Variants in SORL1 observed in about 807,000 individuals in gnomAD.
SORL1 encodes the protein sortilin related receptor 1, also known as sortilin-related receptor.
A neutral mutation model predicts 273.7 loss-of-function variants in SORL1; 127 were observed. The ratio of observed to expected loss-of-function variants is 0.46; its 90% CI spans 0.40 to 0.54. SORL1 has a LOEUF of 0.54. Among genes scored for constraint, SORL1 ranks in the 20% least tolerant of loss-of-function variants. The pLI, the probability that SORL1 is intolerant of heterozygous loss-of-function variation, is 0.00. For missense variants in SORL1, 2,494 were observed against 2,846.1 expected (o/e 0.88, Z 2.81); for synonymous variants, 1,031 against 1,067.4 (o/e 0.97, Z 0.66).
intron 2 of SORL1, among the ~76,000 whole-genome samples, chr11:121,477,721 G>A (rs1861296912): frequency 6.6e-6 from 1 of 152,112 alleles, no homozygotes; most frequent in South Asian, 2.1e-4. Context: ...CAGGATCCAG[G>A]ATGGGATGTT....
At position 121,616,637 on chromosome 11, in the gene SORL1, G is replaced by A. The variant is rs12576563; in HGVS notation, c.5604+1582G>A. Among the ~76,000 whole-genome samples, 290 of 152,332 alleles carry A rather than the reference G, an allele frequency of 1.9e-3. 6 individuals carry two copies. The East Asian group carries it at 0.049, about 26-fold the overall frequency. On this transcript the variant is annotated intron_variant, in intron 41 of 47. Transcript: ENST00000260197. ...TTGGGACCCCTTTGAGTCCCTCAGC[G>A]CTTCTCTTTCCTACATCCTCCCAGG...
intron 12 of SORL1, among the ~76,000 whole-genome samples, chr11:121,538,781 C>T (rs569937339): frequency 2.6e-5 from 4 of 152,086 alleles, no homozygotes; most frequent in Non-Finnish European, 4.4e-5. Context: ...CAGGTTCAAG[C>T]GATTCTCCTG....
In SORL1 at chr11:121,563,561, A is replaced by G. The variant is rs553244071; in HGVS notation, c.3050-3379A>G. 6.6e-6 allele frequency among the ~76,000 whole-genome samples: 1 copy of G among 151,988 alleles called. No homozygotes were observed. The highest frequency in any genetic ancestry group is 2.1e-4 in the South Asian group (1 of 4,828). On this transcript the variant is annotated intron_variant, in intron 21 of 47. Coordinates refer to ENST00000260197, the MANE Select transcript of SORL1 (RefSeq NM_003105.6). This position sits in a 1 kb window ranked among gnomAD's most constrained non-coding sequence, Gnocchi z 4.2. Reference sequence around the variant, plus strand: ...AAGGCATGTGCCACCATGCCTGGCTAATTTTTTGTATTTTAGTAGAGATTG... The same window carrying G: ...AAGGCATGTGCCACCATGCCTGGCTGATTTTTTGTATTTTAGTAGAGATTG...
chr11:121,604,118 G>A (rs2134921055), intron 32 of SORL1, 75 bp from the exon 33 acceptor site: 7 of 1,563,964 alleles, frequency 4.5e-6, no homozygotes, highest in Non-Finnish European at 6.1e-6. Context: ...TGCCTAAATG[G>A]GAATAAACTT....
At chr11:121,479,153 G>T (rs911397693) in intron 3 of SORL1, among the ~76,000 whole-genome samples, 1 of 152,184 alleles carries the variant, frequency 6.6e-6, no homozygotes, top group Non-Finnish European at 1.5e-5. Context: ...GGCCCTGGGG[G>T]CTTTGTTTCT....
At chr11:121,456,918 A>G (rs963801535) in intron 1 of SORL1, among the ~76,000 whole-genome samples, 1 of 152,176 alleles carries the variant, frequency 6.6e-6, no homozygotes, top group African/African-American at 2.4e-5. Flanking sequence ...CTTCCATGAT[A>G]CACTTGCTTG....
chr11:121,460,268 A>G (rs1860975863), intron 1 of SORL1, among the ~76,000 whole-genome samples: 1 of 152,166 alleles, frequency 6.6e-6, no homozygotes, highest in South Asian at 2.1e-4. Context: ...TGAATCTTAC[A>G]TGAAATAAAT....
At chr11:121,499,349 A>G (rs1240641503) in intron 6 of SORL1, among the ~76,000 whole-genome samples, 1 of 152,186 alleles carries the variant, frequency 6.6e-6, no homozygotes, top group Non-Finnish European at 1.5e-5. Context: ...GAGTTAGGCC[A>G]CCACTGAGAG....
chr11:121,583,430 G>T (rs541395854), intron 25 of SORL1, 28 bp from the exon 26 acceptor site: 2 of 1,600,878 alleles, frequency 1.2e-6, no homozygotes, highest in African/African-American at 1.3e-5. Context: ...TGAGGGGTGT[G>T]CGACTGTGTC....
chr11:121,474,889 A>G (rs901564609), intron 2 of SORL1, among the ~76,000 whole-genome samples: 1 of 152,246 alleles, frequency 6.6e-6, no homozygotes, highest in African/African-American at 2.4e-5. Flanking sequence ...GTGGGGGAAG[A>G]TAGATAACTG....
chr11:121,551,426 T>C (rs1862505608), intron 16 of SORL1, among the ~76,000 whole-genome samples: 1 of 152,272 alleles, frequency 6.6e-6, no homozygotes, highest in Non-Finnish European at 1.5e-5. Flanking sequence ...ACGTTTCTGC[T>C]AGATTTAGTG....
At chr11:121,551,851 C>A (rs1425368423) in intron 16 of SORL1, among the ~76,000 whole-genome samples, 1 of 152,216 alleles carries the variant, frequency 6.6e-6, no homozygotes, top group African/African-American at 2.4e-5. Context: ...ACCACCACTT[C>A]AGCAAATTCC....
intron 2 of SORL1, among the ~76,000 whole-genome samples, chr11:121,475,524 C>T (rs187615601): frequency 2.4e-4 from 37 of 152,268 alleles, no homozygotes; most frequent in Middle Eastern, 3.4e-3. Flanking sequence ...ACGATGGCAG[C>T]GGCATGGCTG....
At position 121,452,369 on chromosome 11, in the gene SORL1, C is replaced by T. The variant is rs1032527926; in HGVS notation, c.38C>T (p.Pro13Leu). ...AGCAGCAGGAGGGAGTCGCGACTCC[C>T]GTTCCTATTCACCCTGGTCGCACTG... is the stretch of plus-strand genomic sequence containing the variant. Reference protein sequence around the residue: ...TRSSRRESRLPFLFTLVALLP... With the variant: ...TRSSRRESRLLFLFTLVALLP... The change falls in exon 1 of 48, where the codon CCG becomes CTG. Residue 13 changes from proline to leucine, a missense_variant. This residue lies in a region of SORL1 where 175 missense variants were observed against 147.1 expected (regional missense o/e 1.19). Coordinates refer to ENST00000260197, the MANE Select transcript of SORL1 (RefSeq NM_003105.6). This position sits in a 1 kb window ranked among gnomAD's most constrained non-coding sequence, Gnocchi z 5.3. 2 of 1,554,112 alleles carry T rather than the reference C, an allele frequency of 1.3e-6. No homozygotes were observed. The highest frequency in any genetic ancestry group is 1.7e-6 in the Non-Finnish European group (2 of 1,154,710).
At chr11:121,618,208 A>G (rs866757552) in intron 41 of SORL1, among the ~76,000 whole-genome samples, 2 of 152,296 alleles carry the variant, frequency 1.3e-5, no homozygotes, top group Middle Eastern at 3.4e-3. Flanking sequence ...GACTTTTTCC[A>G]GGCAGCAATT....
intron 24 of SORL1, among the ~76,000 whole-genome samples, chr11:121,575,065 A>C (rs1862907279): frequency 6.6e-6 from 1 of 152,218 alleles, no homozygotes; most frequent in African/African-American, 2.4e-5. Flanking sequence ...TATTTAGAAA[A>C]ACAGTGGGTT....
chr11:121,452,746 T>G lies in SORL1; in HGVS notation c.285+130T>G. 1.2e-6 allele frequency: 1 copy of G among 803,296 alleles called. No homozygotes were observed. Among genetic ancestry groups the G allele is most frequent in the Non-Finnish European group, 1.8e-6 (1 of 559,620 alleles). The allele number at this position is 803,296 out of a possible 1,614,324, so 49.8% of individuals were successfully genotyped here. A position where few individuals can be genotyped will look rare whatever the true frequency, so the allele number is the denominator to read the frequency against. On this transcript the variant is annotated intron_variant, in intron 1 of 47. Transcript: ENST00000260197. This position sits in a 1 kb window ranked among gnomAD's most constrained non-coding sequence, Gnocchi z 5.3. ...GGGGACTTCCCGGCTTGCATTTGTT[T>G]TTTTCCTTCACGAGTACAACCGTCA... is the stretch of plus-strand genomic sequence containing the variant.
At chr11:121,538,554 A>ACAAT (rs1178304503) in intron 12 of SORL1, among the ~76,000 whole-genome samples, 2 of 152,226 alleles carry the variant, frequency 1.3e-5, no homozygotes, top group Non-Finnish European at 2.9e-5. Flanking sequence ...ATCTTATTAT[A>ACAAT]CAATCAATCA....
intron 31 of SORL1, among the ~76,000 whole-genome samples, chr11:121,592,393 C>T (rs1264598665): frequency 2.0e-5 from 3 of 152,186 alleles, no homozygotes; most frequent in Non-Finnish European, 2.9e-5. Context: ...GGGTGGAGCC[C>T]AGGAGATCCC....
Sources: allele counts gnomAD v4.1 joint callset (sites outside exome capture counted in the v4.1 genomes callset), GRCh38; gene constraint gnomAD v4.1.1; regional missense constraint gnomAD v4.1.1; non-coding constraint Gnocchi (gnomAD v3.1); transcripts MANE v1.5; gene names NCBI Gene and HGNC (gene_info 2026-07-23, HGNC 2026-07-21).